The following PLCB4 variants were observed in gnomAD, a reference collection of about 807,000 sequenced individuals.
PLCB4 encodes the protein phospholipase C beta 4, also known as 1-phosphatidylinositol 4,5-bisphosphate phosphodiesterase beta-4.
PLCB4 carries 77 observed loss-of-function variants against 178.8 expected under a neutral mutation model. The ratio of observed to expected loss-of-function variants is 0.43; its 90% CI spans 0.36 to 0.52. The LOEUF is 0.52. Ranked by LOEUF, PLCB4 falls within the 20% of genes least tolerant of loss-of-function variation. The pLI, the probability that PLCB4 is intolerant of heterozygous loss-of-function variation, is 0.00. For synonymous variants in PLCB4, 496 were observed against 490.8 expected, an observed-to-expected ratio of 1.01 and a Z score of -0.14; for missense variants, 1,024 against 1,453.4, an observed-to-expected ratio of 0.70 and a Z score of 4.80.
At chr20:9,139,188 T>C (rs1432058254) in intron 2 of PLCB4, among the ~76,000 whole-genome samples, 3 of 152,154 alleles carry the variant, frequency 2.0e-5, no homozygotes, top group African/African-American at 7.2e-5. Context: ...TTGCTAACCA[T>C]GTTCTATCTA....
At chr20:9,327,092 A>G (rs765366541) in intron 4 of PLCB4, among the ~76,000 whole-genome samples, 1 of 152,064 alleles carries the variant, frequency 6.6e-6, no homozygotes, top group Non-Finnish European at 1.5e-5. Flanking sequence ...ATGGTTAATA[A>G]TAATCAGTAC....
chr20:9,413,290 G>T (rs3787309), intron 25 of PLCB4, among the ~76,000 whole-genome samples: 22,456 of 152,028 alleles, frequency 0.15, 2,738 homozygotes, highest in African/African-American at 0.32. Context: ...CAGCCTGGCC[G>T]GATGCAGGGA....
At chr20:9,144,453 T>A (rs1298392933) in intron 2 of PLCB4, among the ~76,000 whole-genome samples, 1 of 151,534 alleles carries the variant, frequency 6.6e-6, no homozygotes, top group Non-Finnish European at 1.5e-5. Flanking sequence ...CATAGAAAAT[T>A]GTTTTGGATT....
intron 2 of PLCB4, among the ~76,000 whole-genome samples, chr20:9,160,653 A>G (rs1277525367): frequency 6.6e-6 from 1 of 152,158 alleles, no homozygotes; most frequent in Non-Finnish European, 1.5e-5. Flanking sequence ...AATGACAAAG[A>G]ATAGTTACAA....
chr20:9,332,687 T>A (rs1205282212), intron 4 of PLCB4, among the ~76,000 whole-genome samples: 1 of 151,860 alleles, frequency 6.6e-6, no homozygotes. Flanking sequence ...CTGGTAAATA[T>A]TTTTTTTCCC....
chr20:9,376,216 A>G (rs532999805), intron 12 of PLCB4, among the ~76,000 whole-genome samples: 1 of 152,104 alleles, frequency 6.6e-6, no homozygotes, highest in African/African-American at 2.4e-5. Context: ...ACCCCTTGGG[A>G]GCTTATTAGA....
At chr20:9,358,075 T>A (rs1459167600) in intron 7 of PLCB4, among the ~76,000 whole-genome samples, 1 of 152,134 alleles carries the variant, frequency 6.6e-6, no homozygotes, top group Non-Finnish European at 1.5e-5. Flanking sequence ...TTGGGGCCCT[T>A]TGAGTAGTAA....
intron 2 of PLCB4, among the ~76,000 whole-genome samples, chr20:9,182,497 T>C (rs1189269059): frequency 6.6e-6 from 1 of 152,172 alleles, no homozygotes; most frequent in African/African-American, 2.4e-5. Context: ...CGGGAACCTG[T>C]GAGCTATTAC....
chr20:9,450,662 T>TC (rs1397990990), intron 32 of PLCB4, among the ~76,000 whole-genome samples: 12 of 140,820 alleles, frequency 8.5e-5, no homozygotes, highest in South Asian at 2.3e-4. Context: ...TCTTTTCTTT[T>TC]TTTTTTTTTT....
In PLCB4 at chr20:9,354,944, A is replaced by G. The variant is rs116618180; in HGVS notation, c.370-7952A>G. Reference sequence around the variant, plus strand: ...ATCTAGTTCAATTGTCCTCAACTATAGGTTCACGTTAGAGTTACCTGCAGT... The same window carrying G: ...ATCTAGTTCAATTGTCCTCAACTATGGGTTCACGTTAGAGTTACCTGCAGT... On this transcript the variant is annotated intron_variant, in intron 7 of 39. Transcript: ENST00000378473. Among the ~76,000 whole-genome samples the G allele has an allele frequency of 1.3e-3, 196 of 152,344 alleles. 1 individual carries two copies. Among genetic ancestry groups the G allele is most frequent in the African/African-American group, 4.2e-3 (173 of 41,588 alleles).
At chr20:9,201,074 A>G (rs545806478) in intron 2 of PLCB4, among the ~76,000 whole-genome samples, 1 of 152,340 alleles carries the variant, frequency 6.6e-6, no homozygotes, top group South Asian at 2.1e-4. Flanking sequence ...TAGTTTTCTT[A>G]AAGTACAAAC....
At chr20:9,313,040 C>G (rs1290559388) in intron 4 of PLCB4, among the ~76,000 whole-genome samples, 3 of 152,118 alleles carry the variant, frequency 2.0e-5, no homozygotes, top group Admixed American at 1.3e-4. Context: ...AGGTATGCCT[C>G]TTCAATCATG....
At chr20:9,386,217 T>C (rs897691900) in intron 14 of PLCB4, among the ~76,000 whole-genome samples, 2 of 147,916 alleles carry the variant, frequency 1.4e-5, no homozygotes, top group South Asian at 2.1e-4. Context: ...CACGGCAGTA[T>C]AGTCCAGCCT....
intron 27 of PLCB4, among the ~76,000 whole-genome samples, chr20:9,422,737 C>G (rs936741963): frequency 1.3e-5 from 2 of 152,014 alleles, no homozygotes; most frequent in African/African-American, 4.8e-5. Context: ...TGTTTTCTTT[C>G]TTGTCATTTT....
chr20:9,138,355 G>A (rs1317823662), intron 2 of PLCB4, among the ~76,000 whole-genome samples: 6 of 151,944 alleles, frequency 3.9e-5, no homozygotes, highest in African/African-American at 7.2e-5. Context: ...AAAATATTAG[G>A]GGAGTGTAAA....
At chr20:9,071,084 G>A (rs1489876327) in intron 1 of PLCB4, among the ~76,000 whole-genome samples, 1 of 152,158 alleles carries the variant, frequency 6.6e-6, no homozygotes, top group Non-Finnish European at 1.5e-5. Flanking sequence ...GGAATCGTGA[G>A]GCGGTGTGTT....
chr20:9,388,957 C>T (rs1463776830), intron 15 of PLCB4, among the ~76,000 whole-genome samples: 3 of 152,158 alleles, frequency 2.0e-5, no homozygotes, highest in Non-Finnish European at 2.9e-5. Flanking sequence ...TGGGCTTTAT[C>T]ATGTCAAATG....
intron 4 of PLCB4, among the ~76,000 whole-genome samples, chr20:9,311,438 A>G (rs996885920): frequency 1.3e-5 from 2 of 152,188 alleles, no homozygotes; most frequent in African/African-American, 4.8e-5. Context: ...AAGATTAAAA[A>G]TCGGAGATCA....
intron 7 of PLCB4, among the ~76,000 whole-genome samples, chr20:9,345,920 A>G (rs1375853519): frequency 2.0e-5 from 3 of 152,210 alleles, no homozygotes; most frequent in African/African-American, 7.2e-5. Flanking sequence ...TGAAAGACTT[A>G]CTGCAATGGT....
Sources: allele counts gnomAD v4.1 joint callset (sites outside exome capture counted in the v4.1 genomes callset), GRCh38; gene constraint gnomAD v4.1.1; transcripts MANE v1.5; gene names NCBI Gene and HGNC (gene_info 2026-07-23, HGNC 2026-07-21).